The following SLC5A10 variants were observed in gnomAD, a reference collection of about 807,000 sequenced individuals.
SLC5A10 encodes the protein sodium/mannose cotransporter SLC5A10.
SLC5A10 carries 55 observed loss-of-function variants against 68.9 expected under a neutral mutation model. That is an observed-to-expected ratio of 0.80 (90% CI 0.64 to 1.00). SLC5A10 has a LOEUF of 1.00. Ranked by LOEUF, SLC5A10 falls within the 50% of genes least tolerant of loss-of-function variation. The pLI, the probability that SLC5A10 is intolerant of heterozygous loss-of-function variation, is 0.00. For missense variants in SLC5A10, 732 were observed against 819.3 expected (o/e 0.89, Z 1.30); for synonymous variants, 344 against 344.8 (o/e 1.00, Z 0.02).
chr17:18,968,762 A>C lies in SLC5A10; in HGVS notation c.454-290A>C. 2.4e-6 allele frequency: 1 copy of C among 417,000 alleles called. No homozygotes were observed. Among genetic ancestry groups the C allele is most frequent in the Non-Finnish European group, 4.3e-6 (1 of 231,856 alleles). The allele number at this position is 417,000 out of a possible 1,614,324, so 25.8% of individuals were successfully genotyped here. ...GGCTCTGCCTTTTATCCCCTCGGGA[A>C]GGGGCCAGATTCAATAACAACACTG... On this transcript the variant is annotated intron_variant, in intron 5 of 14. Transcript: ENST00000395645. This position sits in a 1 kb window ranked among gnomAD's most constrained non-coding sequence, Gnocchi z 4.1.
intron 9 of SLC5A10, among the ~76,000 whole-genome samples, chr17:18,984,170 ATC>A (rs2043207102): frequency 6.6e-6 from 1 of 151,712 alleles, no homozygotes; most frequent in Non-Finnish European, 1.5e-5. Context: ...GTGAAACCCC[ATC>A]TCTACTAAAA....
At chr17:18,988,108 G>C in intron 9 of SLC5A10, 2 of 1,309,656 alleles carry the variant, frequency 1.5e-6, no homozygotes, top group Non-Finnish European at 1.0e-6. Flanking sequence ...TGACTGCTTG[G>C]CAGGAGGCTC....
Position 19,004,128 on chromosome 17 carries a change from G to A in SLC5A10, c.983-9282G>A. On this transcript the variant is annotated intron_variant, in intron 9 of 14. Transcript: ENST00000395645. This position sits in a 1 kb window ranked among gnomAD's most constrained non-coding sequence, Gnocchi z 5.4. ...GGCCCAGCTGGGGCACCGCGCGCTC[G>A]GGGGCCTCTCCGCGGCCTCTGCTTC... 7.5e-7 allele frequency: 1 copy of A among 1,329,948 alleles called. No homozygotes were observed. 82.4% of individuals were successfully genotyped at this position (1,329,948 alleles called of 1,614,324 possible).
intron 9 of SLC5A10, among the ~76,000 whole-genome samples, chr17:18,983,979 G>C (rs943857645): frequency 2.0e-5 from 3 of 152,168 alleles, no homozygotes; most frequent in Non-Finnish European, 4.4e-5. Context: ...CTCAATGCTG[G>C]TAGTACCCCC....
chr17:18,956,399 T>C (rs2042501827), intron 1 of SLC5A10, among the ~76,000 whole-genome samples: 1 of 151,550 alleles, frequency 6.6e-6, no homozygotes, highest in South Asian at 2.1e-4. Flanking sequence ...AAATACAAAA[T>C]TTGTATCTAA....
In SLC5A10 at chr17:18,971,610, G is replaced by C. The variant is rs746792856; in HGVS notation, c.846+392G>C. 5 of 1,613,520 alleles carry C rather than the reference G, an allele frequency of 3.1e-6. No individual in the cohort carries two copies. The highest frequency in any genetic ancestry group is 4.2e-6 in the Non-Finnish European group (5 of 1,179,972). On this transcript the variant is annotated intron_variant, in intron 8 of 14. Transcript: ENST00000395645. This position sits in a 1 kb window ranked among gnomAD's most constrained non-coding sequence, Gnocchi z 5.5. The stretch of plus-strand genomic sequence containing the variant: ...CCTCCCTTGGCCTGCCAGTGGTGGG[G>C]GCCAGCCATGGCTGGGCCAGCGTTT...
chr17:18,993,512 C>T (rs1215863162), intron 9 of SLC5A10, among the ~76,000 whole-genome samples: 2 of 152,174 alleles, frequency 1.3e-5, no homozygotes, highest in Non-Finnish European at 2.9e-5. Context: ...TCCCTAGAGG[C>T]GGCTCAGAGA....
chr17:19,013,017 G>A (rs2428370), intron 9 of SLC5A10, among the ~76,000 whole-genome samples: 83,523 of 152,178 alleles, frequency 0.55, 28,200 homozygotes, highest in Non-Finnish European at 0.77. Context: ...AGGGCCTGGG[G>A]CAGGGCCCAT....
intron 9 of SLC5A10, among the ~76,000 whole-genome samples, chr17:19,009,648 C>T (rs1328766271): frequency 6.6e-6 from 1 of 152,162 alleles, no homozygotes; most frequent in East Asian, 1.9e-4. Context: ...GATTACTCCT[C>T]AAGGGACTGT....
At position 18,968,976 on chromosome 17, in the gene SLC5A10, G is replaced by C; in HGVS notation, c.454-76G>C. The C allele has an allele frequency of 1.4e-6, 2 of 1,462,256 alleles. No individual in the cohort carries two copies. The highest frequency in any genetic ancestry group is 2.6e-5 in the South Asian group (2 of 76,348). 90.6% of individuals were successfully genotyped at this position (1,462,256 alleles called of 1,614,324 possible). A position where few individuals can be genotyped will look rare whatever the true frequency, so the allele number is the denominator to read the frequency against. ...GCCACCGAGGCCCAGAGAGGGCCTT[G>C]CCCGAGGTCACCCAGGGAGTGGCTT... On this transcript the variant is annotated intron_variant, in intron 5 of 14. Coordinates refer to ENST00000395645, the MANE Select transcript of SLC5A10 (RefSeq NM_001042450.4). This position sits in a 1 kb window ranked among gnomAD's most constrained non-coding sequence, Gnocchi z 4.1.
intron 1 of SLC5A10, among the ~76,000 whole-genome samples, chr17:18,957,803 T>C (rs1286828534): frequency 2.6e-5 from 4 of 152,204 alleles, no homozygotes; most frequent in Non-Finnish European, 5.9e-5. Flanking sequence ...TGGCATTTAG[T>C]ACATTTGCAA....
intron 11 of SLC5A10, chr17:19,019,083 T>G: frequency 7.6e-6 from 2 of 264,638 alleles, no homozygotes; most frequent in Non-Finnish European, 1.4e-5. Context: ...CCCAGGTAAA[T>G]GTGCATGTAG....
intron 9 of SLC5A10, among the ~76,000 whole-genome samples, chr17:18,985,026 G>A (rs1016402541): frequency 1.3e-5 from 2 of 152,224 alleles, no homozygotes; most frequent in African/African-American, 4.8e-5. Context: ...GCAGCGTTTC[G>A]AGAGTGTGTT....
At chr17:19,008,689 C>T (rs954740240) in intron 9 of SLC5A10, among the ~76,000 whole-genome samples, 3 of 151,968 alleles carry the variant, frequency 2.0e-5, no homozygotes, top group South Asian at 2.1e-4. Context: ...TTAATAGAGA[C>T]GGGGTTTCAC....
chr17:18,998,074 C>G (rs2043613362), intron 9 of SLC5A10, among the ~76,000 whole-genome samples: 1 of 152,328 alleles, frequency 6.6e-6, no homozygotes, highest in African/African-American at 2.4e-5. Context: ...TTCCCACCAC[C>G]CCACATGGCA....
chr17:18,954,552 G>A (rs1314202712), intron 1 of SLC5A10, among the ~76,000 whole-genome samples: 1 of 152,222 alleles, frequency 6.6e-6, no homozygotes, highest in Non-Finnish European at 1.5e-5. Flanking sequence ...AGACAGGGAG[G>A]ATGCTGGAGA....
intron 9 of SLC5A10, among the ~76,000 whole-genome samples, chr17:19,005,890 A>C (rs559687107): frequency 2.6e-5 from 4 of 152,340 alleles, no homozygotes; most frequent in East Asian, 3.9e-4. Context: ...CCCCAGGGCC[A>C]GAGAGGGGAG....
chr17:18,989,538 G>A (rs1254853091), intron 9 of SLC5A10, among the ~76,000 whole-genome samples: 2 of 152,248 alleles, frequency 1.3e-5, no homozygotes, highest in Middle Eastern at 6.3e-3. Context: ...GTGTGACCCT[G>A]AGCAAAACAC....
chr17:19,013,485 A>T lies in SLC5A10; in HGVS notation c.1058A>T (p.Tyr353Phe), dbSNP rs1597910680. ...GAEVGCSNIAYPKLVMELMPI... is the reference protein window; with the variant it reads ...GAEVGCSNIAFPKLVMELMPI... The stretch of plus-strand genomic sequence containing the variant: ...GAGGTCGGCTGCTCCAACATCGCCT[A>T]CCCCAAGCTGGTCATGGAACTGATG... Residue 353 changes from tyrosine to phenylalanine, a missense_variant, in exon 10 of 15, where the codon TAC (tyrosine) becomes TTC (phenylalanine). By Grantham distance (22) the Tyr-to-Phe change is conservative (BLOSUM62 3). Coordinates refer to ENST00000395645, the MANE Select transcript of SLC5A10 (RefSeq NM_001042450.4). The T allele has an allele frequency of 6.4e-7, 1 of 1,555,498 alleles. No individual in the cohort carries two copies. Among genetic ancestry groups the T allele is most frequent in the Non-Finnish European group, 8.7e-7 (1 of 1,151,334 alleles).
Sources: allele counts gnomAD v4.1 joint callset (sites outside exome capture counted in the v4.1 genomes callset), GRCh38; gene constraint gnomAD v4.1.1; non-coding constraint Gnocchi (gnomAD v3.1); transcripts MANE v1.5; gene names NCBI Gene and HGNC (gene_info 2026-07-23, HGNC 2026-07-21).